The following CTU2 variants were observed in gnomAD, a reference collection of about 807,000 sequenced individuals.
The protein encoded by CTU2 is cytoplasmic tRNA 2-thiolation protein 2.
In CTU2, 80 loss-of-function variants were observed where a neutral mutation model predicts 64.1. The ratio of observed to expected loss-of-function variants is 1.25; its 90% CI spans 1.04 to 1.50. CTU2 has a LOEUF of 1.50. Among genes scored for constraint, CTU2 ranks in the 40% most tolerant of loss-of-function variants. The pLI is 0.00. For missense variants in CTU2, 1,110 were observed against 690.2 expected (o/e 1.61, Z -6.81); for synonymous variants, 482 against 285.3 (o/e 1.69, Z -6.95).
Position 88,711,670 on chromosome 16 carries a change from T to G in CTU2, c.318T>G (p.Phe106Leu). The change falls in exon 5 of 15, where the codon TTT (phenylalanine) becomes TTG (leucine). Residue 106 changes from phenylalanine to leucine, a missense_variant. Coordinates refer to ENST00000453996, the MANE Select transcript of CTU2 (RefSeq NM_001012759.3). ...AAGATTCTGCCAAAAGACTGCGCTT[T>G]GTGGCAGGAGTCATCTTTGTTGACG... ...LSQDSAKRLR[F>L]VAGVIFVDEG... The G allele has an allele frequency of 6.2e-7, 1 of 1,608,866 alleles. No homozygotes were observed. The highest frequency in any genetic ancestry group is 8.5e-7 in the Non-Finnish European group (1 of 1,176,854).
At chr16:88,713,850 T>C in intron 9 of CTU2, 72 bp downstream of exon 9, 3 of 1,586,812 alleles carry the variant, frequency 1.9e-6, no homozygotes, top group Non-Finnish European at 2.6e-6. Flanking sequence ...GGGCAGCCTC[T>C]CACAGGCTCA....
At chr16:88,713,914 C>A in intron 9 of CTU2, 136 bp downstream of exon 9, 1 of 1,279,222 alleles carries the variant, frequency 7.8e-7, no homozygotes, top group African/African-American at 1.5e-5. Flanking sequence ...AGTGCTGCAT[C>A]CTCTGAGCCC....
chr16:88,707,805 TGTTGTTG>T (rs1449707516), intron 2 of CTU2, among the ~76,000 whole-genome samples: 1 of 31,658 alleles, frequency 3.2e-5, no homozygotes, highest in African/African-American at 1.0e-4. Context: ...TTTTTGTTGT[TGTTGTTG>T]TTTTTTTTGA....
At position 88,706,529 on chromosome 16, in the gene CTU2, C is replaced by A; in HGVS notation, c.-2C>A. The A allele has an allele frequency of 2.8e-6, 4 of 1,450,472 alleles. No homozygotes were observed. Among genetic ancestry groups the A allele is most frequent in the Non-Finnish European group, 3.6e-6 (4 of 1,108,630 alleles). The allele number at this position is 1,450,472 out of a possible 1,614,324, so 89.9% of individuals were successfully genotyped here. On this transcript the variant is annotated 5_prime_UTR_variant, in exon 1 of 15. Coordinates refer to ENST00000453996, the MANE Select transcript of CTU2 (RefSeq NM_001012759.3). ...CAGTCTGCGACGGGACCCGGCGTGC[C>A]CATGTGTCAGGTGGGCGAGGACTAC... is the stretch of plus-strand genomic sequence containing the variant.
Position 88,715,264 on chromosome 16 carries a change from G to T in CTU2, c.*13G>T. ...GGGCCAGAGCTGAGCGTGAGGACGTGCTTGCCGGGACAGCAGGCAGTGGCC... is the reference window on the plus strand; with the variant it reads ...GGGCCAGAGCTGAGCGTGAGGACGTTCTTGCCGGGACAGCAGGCAGTGGCC... On this transcript the variant is annotated 3_prime_UTR_variant, in exon 15 of 15. Coordinates refer to ENST00000453996, the MANE Select transcript of CTU2 (RefSeq NM_001012759.3). 6.2e-7 allele frequency: 1 copy of T among 1,609,804 alleles called. No homozygotes were observed.
chr16:88,710,920 A>C (rs1185478620), intron 4 of CTU2: 1 of 155,424 alleles, frequency 6.4e-6, no homozygotes, highest in African/African-American at 2.4e-5. Context: ...GTGGCCTGTC[A>C]AGGGTCAGCT....
At chr16:88,709,879 A>G (rs1378677476) in intron 2 of CTU2, 59 bp from the exon 3 acceptor site, 4 of 1,429,348 alleles carry the variant, frequency 2.8e-6, no homozygotes, top group Non-Finnish European at 9.8e-7. Context: ...GCAGCGCCTC[A>G]GGACGCTGCT....
chr16:88,712,310 C>CA lies in CTU2; in HGVS notation c.383dup (p.Thr129AspfsTer95), dbSNP rs1567648771. The stretch of plus-strand genomic sequence containing the variant: ...TGTGGCCAGAGCCTAGAGGAGAGAT[C>CA]AAAGACCCTGGCCGAAGTGAAGCCC... On this transcript the variant is annotated frameshift_variant, in exon 6 of 15. Coordinates refer to ENST00000453996, the MANE Select transcript of CTU2 (RefSeq NM_001012759.3). LOFTEE classifies it high-confidence loss of function. 1 of 1,609,150 alleles carries CA rather than the reference C, an allele frequency of 6.2e-7. No individual in the cohort carries two copies. The highest frequency in any genetic ancestry group is 8.5e-7 in the Non-Finnish European group (1 of 1,177,796).
intron 9 of CTU2, 80 bp from the exon 10 acceptor site, chr16:88,714,056 G>T (rs932996175): frequency 1.4e-6 from 2 of 1,386,576 alleles, no homozygotes; most frequent in Non-Finnish European, 2.0e-6. Flanking sequence ...TGGAACCCAC[G>T]GCACCTGTCC....
At chr16:88,712,011 G>A (rs761442715) in intron 5 of CTU2, 40 of 561,268 alleles carry the variant, frequency 7.1e-5, no homozygotes, top group Non-Finnish European at 1.2e-4. Flanking sequence ...GTTAAGTGCT[G>A]ATGGTGAGCG....
intron 6 of CTU2, 33 bp from the exon 7 acceptor site, chr16:88,712,589 C>T (rs199733863): frequency 1.7e-5 from 27 of 1,597,800 alleles, no homozygotes; most frequent in African/African-American, 2.7e-5. Context: ...GCCCGTGTCC[C>T]GGGCCTCACT....
chr16:88,714,095 C>T lies in CTU2; in HGVS notation c.1006-41C>T, dbSNP rs762612396. On this transcript the variant is annotated intron_variant, in intron 9 of 14. Coordinates refer to ENST00000453996, the MANE Select transcript of CTU2 (RefSeq NM_001012759.3). Reference sequence around the variant, plus strand: ...GGACTCTGCCCCAGCCTGGGGCTGGCCTCTGGGCTTTCCCATAGCCTCCAA... The same window carrying T: ...GGACTCTGCCCCAGCCTGGGGCTGGTCTCTGGGCTTTCCCATAGCCTCCAA... 6 of 1,587,464 alleles carry T rather than the reference C, an allele frequency of 3.8e-6. No individual in the cohort carries two copies. In the East Asian group the frequency reaches 6.7e-5, roughly 18 times the overall value.
Position 88,715,332 on chromosome 16 carries a change from C to T in CTU2, c.*81C>T. ...GGAGCCGGAAGGCAAGGACGGGGGACTGGCCTCTGATTGTCCATTTGTATA... is the reference window on the plus strand; with the variant it reads ...GGAGCCGGAAGGCAAGGACGGGGGATTGGCCTCTGATTGTCCATTTGTATA... On this transcript the variant is annotated 3_prime_UTR_variant, in exon 15 of 15. Coordinates refer to ENST00000453996, the MANE Select transcript of CTU2 (RefSeq NM_001012759.3). 7.0e-6 allele frequency: 10 copies of T among 1,422,142 alleles called. No individual in the cohort carries two copies. The highest frequency in any genetic ancestry group is 8.7e-6 in the Non-Finnish European group (9 of 1,038,386). The allele number at this position is 1,422,142 out of a possible 1,614,324, so 88.1% of individuals were successfully genotyped here.
Position 88,714,194 on chromosome 16 carries a change from C to T in CTU2, c.1064C>T (p.Thr355Ile), listed in dbSNP as rs749230204. 3.7e-6 allele frequency: 6 copies of T among 1,612,270 alleles called. No homozygotes were observed. The Admixed American group carries it at 8.3e-5, about 22-fold the overall frequency. ...LMEAFILRLQ[T>I]QFPSTVSTVY... The stretch of plus-strand genomic sequence containing the variant: ...GAGGCCTTCATCCTCAGGCTGCAGA[C>T]CCAGTTCCCCTCCACTGTCAGCACT... The change falls in exon 10 of 15, where the codon ACC (threonine) becomes ATC (isoleucine). Residue 355 changes from threonine (T) to isoleucine (I), a missense_variant. By Grantham distance (89) the Thr-to-Ile change is moderately conservative (BLOSUM62 -1). Transcript: ENST00000453996.
intron 4 of CTU2, 149 bp downstream of exon 4, chr16:88,710,431 C>T (rs1911224395): frequency 7.0e-6 from 5 of 712,524 alleles, no homozygotes; most frequent in South Asian, 5.3e-5. Context: ...CAGATGTGTT[C>T]ACAACAGGTG....
At chr16:88,714,779 C>T (rs374032370) in intron 12 of CTU2, 42 bp downstream of exon 12, 453 of 1,605,618 alleles carry the variant, frequency 2.8e-4, no homozygotes, top group Middle Eastern at 2.6e-3. Context: ...CTGCATGGGG[C>T]GGGAGGGGGA....
In CTU2 at chr16:88,713,400, A is replaced by G; in HGVS notation, c.826A>G (p.Met276Val). Residue 276 changes from methionine to valine, a missense_variant, in exon 8 of 15, where the codon ATG becomes GTG. Coordinates refer to ENST00000453996, the MANE Select transcript of CTU2 (RefSeq NM_001012759.3). ...DSCTRLAIKL[M>V]TNLALGRGAF... ...CTGCACACGCTTGGCTATCAAGCTC[A>G]TGACCAACCTGGCGCTGGGTCGAGG... is the stretch of plus-strand genomic sequence containing the variant. 6.2e-7 allele frequency: 1 copy of G among 1,602,184 alleles called. No individual in the cohort carries two copies. The highest frequency in any genetic ancestry group is 8.5e-7 in the Non-Finnish European group (1 of 1,176,180).
At position 88,712,764 on chromosome 16, in the gene CTU2, G is replaced by C; in HGVS notation, c.596G>C (p.Gly199Ala). The C allele has an allele frequency of 6.8e-6, 11 of 1,608,630 alleles. No individual in the cohort carries two copies. Among genetic ancestry groups the C allele is most frequent in the Non-Finnish European group, 9.3e-6 (11 of 1,178,300 alleles). Residue 199 changes from glycine (G) to alanine (A), a missense_variant, in exon 7 of 15, where the codon GGG (glycine) becomes GCG (alanine). Physicochemically the swap from Gly to Ala is moderately conservative, Grantham distance 60. Coordinates refer to ENST00000453996, the MANE Select transcript of CTU2 (RefSeq NM_001012759.3). Reference protein sequence around the residue: ...GAGGGPGPTQGEEQPPQPPLD... With the variant: ...GAGGGPGPTQAEEQPPQPPLD... ...GGGGGTGGTCCTGGCCCGACTCAAG[G>C]GGAGGAACAGCCACCCCAGCCCCCG...
At chr16:88,706,881 C>T (rs1910894372) in intron 1 of CTU2, 1 of 557,906 alleles carries the variant, frequency 1.8e-6, no homozygotes, top group South Asian at 2.4e-5. Flanking sequence ...TCTCGCCTCC[C>T]CGTGTCAGCC....
Sources: allele counts gnomAD v4.1 joint callset (sites outside exome capture counted in the v4.1 genomes callset), GRCh38; gene constraint gnomAD v4.1.1; transcripts MANE v1.5; gene names NCBI Gene and HGNC (gene_info 2026-07-23, HGNC 2026-07-21).